OGDH: variants seen among roughly 807,000 people sequenced by gnomAD.
OGDH encodes oxoglutarate dehydrogenase.
Under a neutral mutation model 116.6 loss-of-function variants are expected in OGDH, and 38 were observed. The observed-to-expected ratio is 0.33, with a 90% CI of 0.25 to 0.43. The LOEUF is 0.43. Among genes scored for constraint, OGDH ranks in the 20% least tolerant of loss-of-function variants. The probability of loss-of-function intolerance (pLI) is 1.00; values close to 1 mark genes in which losing one functional copy is unlikely to be tolerated. For synonymous variants in OGDH, 488 were observed against 533.3 expected (o/e 0.92, Z 1.17); for missense variants, 825 against 1,357.2 (o/e 0.61, Z 6.16).
At chr7:44,705,993 G>T (rs138911331) in intron 20 of OGDH, among the ~76,000 whole-genome samples, 225 of 152,252 alleles carry the variant, frequency 1.5e-3, no homozygotes, top group African/African-American at 5.3e-3. Flanking sequence ...AGGTTGGAGT[G>T]CAGAGGCATG....
intron 4 of OGDH, among the ~76,000 whole-genome samples, chr7:44,664,678 T>G (rs1260549991): frequency 6.6e-6 from 1 of 152,202 alleles, no homozygotes; most frequent in Non-Finnish European, 1.5e-5. Context: ...CAGAGTTGTC[T>G]TATGATTGTT....
intron 10 of OGDH, among the ~76,000 whole-genome samples, chr7:44,682,750 G>A (rs1787983009): frequency 6.6e-6 from 1 of 152,024 alleles, no homozygotes; most frequent in Non-Finnish European, 1.5e-5. Context: ...CTACTTGGGG[G>A]TTTGAGATAG....
intron 3 of OGDH, among the ~76,000 whole-genome samples, chr7:44,646,448 C>T (rs1168189780): frequency 1.3e-5 from 2 of 152,254 alleles, no homozygotes; most frequent in African/African-American, 4.8e-5. Flanking sequence ...GCAAGTAAGG[C>T]TCTCTCCCTG....
intron 10 of OGDH, among the ~76,000 whole-genome samples, chr7:44,683,499 G>A (rs1458153371): frequency 6.6e-6 from 1 of 152,118 alleles, no homozygotes; most frequent in Non-Finnish European, 1.5e-5. Context: ...CCAAAGCACT[G>A]GGATTGTAGG....
At chr7:44,684,524 C>T (rs1788054808) in intron 10 of OGDH, among the ~76,000 whole-genome samples, 1 of 152,162 alleles carries the variant, frequency 6.6e-6, no homozygotes, top group Non-Finnish European at 1.5e-5. Context: ...TTACTGCCTA[C>T]TGTGTCCCAG....
At chr7:44,631,004 A>G (rs1785415824) in intron 2 of OGDH, among the ~76,000 whole-genome samples, 1 of 152,148 alleles carries the variant, frequency 6.6e-6, no homozygotes, top group Non-Finnish European at 1.5e-5. Context: ...TCAGGTGGTA[A>G]TGCTCGCTTG....
At chr7:44,663,157 G>T (rs1787022616) in intron 4 of OGDH, among the ~76,000 whole-genome samples, 1 of 151,988 alleles carries the variant, frequency 6.6e-6, no homozygotes, top group Non-Finnish European at 1.5e-5. Context: ...AATTTCTGTT[G>T]TTCCGTCTTC....
intron 2 of OGDH, among the ~76,000 whole-genome samples, chr7:44,639,987 T>C (rs992629501): frequency 3.3e-5 from 5 of 152,228 alleles, no homozygotes; most frequent in Non-Finnish European, 5.9e-5. Context: ...CCTGGAGTTG[T>C]ATTCCAAGCA....
In OGDH at chr7:44,697,922, A is replaced by G; in HGVS notation, c.2358+140A>G. On this transcript the variant is annotated intron_variant, in intron 17 of 22. Coordinates refer to ENST00000222673, the MANE Select transcript of OGDH (RefSeq NM_002541.4). The surrounding 1 kb of genome is among the most constrained non-coding windows in gnomAD (Gnocchi z 6.0). ...TGCTGGTGCTTCCCATCCATCTCAG[A>G]TGGGATGTCACTTCAGAAAGCCAGA... 9.1e-7 allele frequency: 1 copy of G among 1,093,818 alleles called. No individual in the cohort carries two copies. The allele number at this position is 1,093,818 out of a possible 1,614,324, so 67.8% of individuals were successfully genotyped here.
intron 1 of OGDH, among the ~76,000 whole-genome samples, 156 bp from the exon 2 acceptor site, chr7:44,624,161 A>G (rs117881254): frequency 4.0e-5 from 6 of 151,620 alleles, no homozygotes; most frequent in Non-Finnish European, 8.8e-5. Flanking sequence ...CTCAACAATT[A>G]GAGTTGAACA....
intron 2 of OGDH, among the ~76,000 whole-genome samples, chr7:44,642,673 C>G (rs1785997440): frequency 6.6e-6 from 1 of 152,064 alleles, no homozygotes; most frequent in Non-Finnish European, 1.5e-5. Flanking sequence ...CATGTAATCC[C>G]AGCACTTTGG....
intron 2 of OGDH, among the ~76,000 whole-genome samples, chr7:44,642,921 C>CAAA (rs1379033066): frequency 1.2e-4 from 16 of 137,546 alleles, no homozygotes; most frequent in African/African-American, 3.4e-4. Flanking sequence ...GACTCTGTCT[C>CAAA]AAAAAAAAAA....
intron 5 of OGDH, among the ~76,000 whole-genome samples, chr7:44,667,712 G>A (rs1215303002): frequency 6.6e-6 from 1 of 152,282 alleles, no homozygotes; most frequent in Non-Finnish European, 1.5e-5. Flanking sequence ...CATTGCAGAG[G>A]GGAGAATGGA....
intron 1 of OGDH, among the ~76,000 whole-genome samples, chr7:44,611,776 CTTTTT>C (rs757998135): frequency 2.1e-5 from 3 of 143,794 alleles, no homozygotes; most frequent in Non-Finnish European, 4.6e-5. Flanking sequence ...TTTCTTTTTT[CTTTTT>C]TTTTTTATGT....
At position 44,707,430 on chromosome 7, in the gene OGDH, G is replaced by A. The variant is rs989414512; in HGVS notation, c.2796+42G>A. The A allele has an allele frequency of 1.6e-5, 25 of 1,611,102 alleles. No homozygotes were observed. Among genetic ancestry groups the A allele is most frequent in the Non-Finnish European group, 2.0e-5 (23 of 1,178,364 alleles). On this transcript the variant is annotated intron_variant, in intron 21 of 22. Transcript: ENST00000222673. This position sits in a 1 kb window ranked among gnomAD's most constrained non-coding sequence, Gnocchi z 5.2. ...CCATCAGGGTGTCCCCCCAGCGGGG[G>A]TCAGGGCTCTGGTGCCTTCACAGAA...
At chr7:44,637,281 G>A (rs958899426) in intron 2 of OGDH, among the ~76,000 whole-genome samples, 20 of 152,100 alleles carry the variant, frequency 1.3e-4, no homozygotes, top group African/African-American at 2.2e-4. Flanking sequence ...GGCTCAGACC[G>A]TGGGCCCCTC....
At chr7:44,687,227 A>T (rs1585368020) in intron 10 of OGDH, among the ~76,000 whole-genome samples, 1 of 148,080 alleles carries the variant, frequency 6.8e-6, no homozygotes, top group Non-Finnish European at 1.5e-5. Context: ...TCTCCTGAGT[A>T]GCCGGGACTA....
intron 9 of OGDH, 132 bp downstream of exon 9, chr7:44,676,281 C>T (rs1285326068): frequency 8.4e-6 from 13 of 1,539,034 alleles, no homozygotes; most frequent in Admixed American, 5.9e-5. Flanking sequence ...GTCGGCCGGG[C>T]GCAGTGTCTC....
At chr7:44,698,093 A>G (rs1442256242) in intron 17 of OGDH, 99 bp from the exon 18 acceptor site, 2 of 1,363,366 alleles carry the variant, frequency 1.5e-6, no homozygotes, top group Non-Finnish European at 2.1e-6. Flanking sequence ...AAGAAAAAAG[A>G]TAACCAGAAA....
Sources: allele counts gnomAD v4.1 joint callset (sites outside exome capture counted in the v4.1 genomes callset), GRCh38; gene constraint gnomAD v4.1.1; non-coding constraint Gnocchi (gnomAD v3.1); transcripts MANE v1.5; gene names NCBI Gene and HGNC (gene_info 2026-07-23, HGNC 2026-07-21).